The following LINGO2 variants were observed in gnomAD, a reference collection of about 807,000 sequenced individuals.
The protein encoded by LINGO2 is leucine rich repeat and Ig domain containing 2.
A neutral mutation model predicts 30.6 loss-of-function variants in LINGO2; 14 were observed. The observed-to-expected ratio is 0.46, with a 90% CI of 0.30 to 0.72. The LOEUF is 0.72. Among genes scored for constraint, LINGO2 ranks in the 30% least tolerant of loss-of-function variants. The pLI, the probability that LINGO2 is intolerant of heterozygous loss-of-function variation, is 0.07. For missense variants in LINGO2, 729 were observed against 751.7 expected (o/e 0.97, Z 0.35); for synonymous variants, 317 against 288.5 (o/e 1.10, Z -1.00).
At chr9:28,006,865 T>C (rs899890033) in intron 5 of LINGO2, among the ~76,000 whole-genome samples, 1 of 152,082 alleles carries the variant, frequency 6.6e-6, no homozygotes. Context: ...CTAACAAATG[T>C]TTATGGTTGA....
In LINGO2 at chr9:28,536,628, G is replaced by C. The variant is rs767770924; in HGVS notation, c.-364-60603C>G. The stretch of plus-strand genomic sequence containing the variant: ...TTGCCTTAACAGTTGAATATTTTCA[G>C]TGTATTCTAATTCTGAGAAAAATTG... On this transcript the variant is annotated intron_variant, in intron 1 of 5. Coordinates refer to ENST00000379992, the Ensembl canonical transcript of LINGO2. 9.9e-5 allele frequency among the ~76,000 whole-genome samples: 15 copies of C among 152,220 alleles called. 1 individual carries two copies. Among genetic ancestry groups the C allele is most frequent in the African/African-American group, 3.6e-4 (15 of 41,572 alleles).
chr9:28,035,670 T>C (rs1823896764), intron 4 of LINGO2, among the ~76,000 whole-genome samples: 1 of 152,232 alleles, frequency 6.6e-6, no homozygotes, highest in Non-Finnish European at 1.5e-5. Flanking sequence ...TTTTTAAAAT[T>C]CTATGAATGT....
intron 4 of LINGO2, among the ~76,000 whole-genome samples, chr9:28,272,736 C>T (rs1822983761): frequency 1.3e-5 from 2 of 152,048 alleles, no homozygotes. Context: ...AAGAATTGTT[C>T]TGACAGTCAT....
intron 4 of LINGO2, among the ~76,000 whole-genome samples, chr9:28,212,620 T>G (rs1185155163): frequency 2.0e-5 from 3 of 151,490 alleles, no homozygotes; most frequent in Non-Finnish European, 3.0e-5. Context: ...ATGTAAAGTA[T>G]GCATCCATAT....
chr9:28,601,568 C>T (rs1316760805), intron 1 of LINGO2, among the ~76,000 whole-genome samples: 1 of 142,010 alleles, frequency 7.0e-6, no homozygotes. Flanking sequence ...GAGTGAGTGG[C>T]ACAATTAGCA....
chr9:28,456,556 C>T (rs535917316), intron 2 of LINGO2, among the ~76,000 whole-genome samples: 2 of 152,302 alleles, frequency 1.3e-5, no homozygotes, highest in Non-Finnish European at 2.9e-5. Flanking sequence ...TCTGACTGTT[C>T]ATTTTCCAGA....
At chr9:29,031,579 A>G in the LINGO2 span, among the ~76,000 whole-genome samples, 2 of 152,206 alleles carry the variant, frequency 1.3e-5, no homozygotes, top group East Asian at 3.9e-4. Flanking sequence ...CACCGCACCC[A>G]GCTGGTGGTA....
chr9:28,986,327 C>T, the LINGO2 span, among the ~76,000 whole-genome samples: 1 of 151,860 alleles, frequency 6.6e-6, no homozygotes, highest in Non-Finnish European at 1.5e-5. Flanking sequence ...CAGCTTTGTT[C>T]TTTTTGTTTA....
At chr9:27,988,704 TCTCC>T (rs1821246627) in intron 5 of LINGO2, among the ~76,000 whole-genome samples, 1 of 151,670 alleles carries the variant, frequency 6.6e-6, no homozygotes, top group African/African-American at 2.4e-5. Flanking sequence ...TTGTTTCTGT[TCTCC>T]CTATCTTTAT....
At chr9:28,688,732 C>T in the LINGO2 span, among the ~76,000 whole-genome samples, 3 of 152,132 alleles carry the variant, frequency 2.0e-5, no homozygotes, top group Admixed American at 2.0e-4. Flanking sequence ...ACTAAGCAAG[C>T]TGAATAAAAA....
At chr9:28,314,421 G>C (rs1205584591) in intron 3 of LINGO2, among the ~76,000 whole-genome samples, 2 of 152,100 alleles carry the variant, frequency 1.3e-5, no homozygotes, top group African/African-American at 2.4e-5. Context: ...GAGAAAAGGA[G>C]CTTAACCCTG....
Position 28,456,621 on chromosome 9 carries a change from C to T in LINGO2, c.-279+19319G>A, listed in dbSNP as rs149144432. ...TTTGAGAAATTGCCCAGTAGTCTAC[C>T]CATTTGAACCAGTGCCATCTTTCTC... is the stretch of plus-strand genomic sequence containing the variant. On this transcript the variant is annotated intron_variant, in intron 2 of 5. Coordinates refer to ENST00000379992, the Ensembl canonical transcript of LINGO2. Among the ~76,000 whole-genome samples the T allele has an allele frequency of 6.8e-3, 1,040 of 152,188 alleles. 8 individuals are homozygous for T. The highest frequency in any genetic ancestry group is 0.012 in the Admixed American group (176 of 15,276).
At chr9:28,574,207 A>G (rs1039101956) in intron 1 of LINGO2, among the ~76,000 whole-genome samples, 1 of 152,190 alleles carries the variant, frequency 6.6e-6, no homozygotes, top group African/African-American at 2.4e-5. Flanking sequence ...ACTAAGACTC[A>G]ACTGTGGATG....
At chr9:28,151,635 T>A (rs942333221) in intron 4 of LINGO2, among the ~76,000 whole-genome samples, 1 of 151,782 alleles carries the variant, frequency 6.6e-6, no homozygotes, top group Admixed American at 6.5e-5. Context: ...GGAAATATTG[T>A]AATCATTTGA....
At chr9:28,134,949 C>T in intron 4 of LINGO2, among the ~76,000 whole-genome samples, 1 of 152,126 alleles carries the variant, frequency 6.6e-6, no homozygotes, top group Non-Finnish European at 1.5e-5. Context: ...AATCTAAATC[C>T]AAGAAGACTA....
intron 5 of LINGO2, among the ~76,000 whole-genome samples, chr9:27,971,346 A>G (rs1053172952): frequency 6.6e-6 from 1 of 152,020 alleles, no homozygotes; most frequent in Non-Finnish European, 1.5e-5. Context: ...TAAAATGAAC[A>G]TACTGCACAT....
At chr9:28,096,860 G>C (rs896109586) in intron 4 of LINGO2, among the ~76,000 whole-genome samples, 1 of 152,098 alleles carries the variant, frequency 6.6e-6, no homozygotes, top group South Asian at 2.1e-4. Flanking sequence ...TAGCCCTGAA[G>C]TGAGGCGAAT....
chr9:28,843,605 A>G, the LINGO2 span, among the ~76,000 whole-genome samples: 2 of 151,826 alleles, frequency 1.3e-5, no homozygotes, highest in African/African-American at 4.9e-5. Context: ...ACTCCAGTGA[A>G]CAGAGAAAGG....
intron 4 of LINGO2, among the ~76,000 whole-genome samples, chr9:28,078,315 T>C (rs746266488): frequency 2.0e-5 from 3 of 148,692 alleles, no homozygotes; most frequent in Non-Finnish European, 4.4e-5. Context: ...GTTTGCAGAG[T>C]TGCTACCAGC....
Sources: allele counts gnomAD v4.1 joint callset (sites outside exome capture counted in the v4.1 genomes callset), GRCh38; gene constraint gnomAD v4.1.1; transcripts MANE v1.5; gene names NCBI Gene and HGNC (gene_info 2026-07-23, HGNC 2026-07-21).